The following LARP1 variants were observed in gnomAD, a reference collection of about 807,000 sequenced individuals.
LARP1 encodes the protein la-related protein 1.
Under a neutral mutation model 122.7 loss-of-function variants are expected in LARP1, and 36 were observed. That is an observed-to-expected ratio of 0.29 (90% confidence interval 0.22 to 0.39). LARP1 has a LOEUF of 0.39. LARP1 is among the 10% of genes least tolerant of loss of function. LARP1 has a pLI of 1.00. For synonymous variants in LARP1, 539 were observed against 528.7 expected, an observed-to-expected ratio of 1.02 and a Z score of -0.27; for missense variants, 1,040 against 1,403.6, an observed-to-expected ratio of 0.74 and a Z score of 4.14.
chr5:154,743,370 G>A lies in LARP1; in HGVS notation c.205+30240G>A, dbSNP rs371607936. On this transcript the variant is annotated intron_variant, in intron 1 of 18. Transcript: ENST00000336314. ...GTTGCCCAGGCTGGAGTGCAGTGTC[G>A]TGATCTCGGCTCACTGCAACCTCTG... Among the ~76,000 whole-genome samples the A allele has an allele frequency of 1.8e-4, 26 of 148,278 alleles. No homozygotes were observed. The East Asian group carries it at 3.8e-3, about 21-fold the overall frequency.
At chr5:154,800,408 C>G (rs1758254382) in intron 10 of LARP1, among the ~76,000 whole-genome samples, 1 of 152,012 alleles carries the variant, frequency 6.6e-6, no homozygotes, top group Admixed American at 6.6e-5. Context: ...GAGTATGTCC[C>G]CACTATCATG....
At chr5:154,776,082 A>C (rs567009781) in intron 1 of LARP1, among the ~76,000 whole-genome samples, 1 of 152,244 alleles carries the variant, frequency 6.6e-6, no homozygotes, top group Admixed American at 6.5e-5. Context: ...GGTTAAGGTG[A>C]GAGTATCCCT....
rs1755445243 is a variant in LARP1 at position 154,715,438 on chromosome 5, A to AT, written c.205+2313dup. 2.6e-5 allele frequency among the ~76,000 whole-genome samples: 4 copies of AT among 151,374 alleles called. No individual in the cohort carries two copies. In the South Asian group the frequency reaches 8.4e-4, roughly 32 times the overall value. ...TGCCACCACGCTCAGCTCATTTTGT[A>AT]TTTTTAGTAGGTCAGGCTGCTCTTG... On this transcript the variant is annotated intron_variant, in intron 1 of 18. Coordinates refer to the LARP1 transcript ENST00000336314.
chr5:154,797,221 GTTTTTTTTT>G (rs1158010359), intron 8 of LARP1, among the ~76,000 whole-genome samples: 1,226 of 29,766 alleles, frequency 0.041, 24 homozygotes, highest in African/African-American at 0.12. Context: ...TGTTGTTGTT[GTTTTTTTTT>G]TTTTTTTTTT....
At chr5:154,763,759 T>C (rs568521480) in intron 1 of LARP1, among the ~76,000 whole-genome samples, 16 of 152,042 alleles carry the variant, frequency 1.1e-4, no homozygotes, top group Admixed American at 9.8e-4. Context: ...CCCAGCACTT[T>C]GGGTGGGAGG....
intron 1 of LARP1, among the ~76,000 whole-genome samples, chr5:154,738,624 G>T (rs891898898): frequency 5.3e-5 from 8 of 152,142 alleles, no homozygotes; most frequent in African/African-American, 1.9e-4. Context: ...AGCTGTTACA[G>T]CAATGCCCAT....
intron 10 of LARP1, 144 bp downstream of exon 10, chr5:154,800,186 AC>A: frequency 1.4e-6 from 1 of 734,274 alleles, no homozygotes; most frequent in Non-Finnish European, 2.1e-6. Context: ...AGTTGAAGTT[AC>A]CAGTAGTGGC....
chr5:154,790,564 C>A, intron 2 of LARP1, 81 bp from the exon 3 acceptor site: 1 of 1,502,658 alleles, frequency 6.7e-7, no homozygotes, highest in Non-Finnish European at 9.3e-7. Context: ...GGCCTCTGAT[C>A]TCTTGGTGAA....
At chr5:154,725,873 C>T (rs1317586358) in intron 1 of LARP1, among the ~76,000 whole-genome samples, 3 of 152,070 alleles carry the variant, frequency 2.0e-5, no homozygotes, top group Non-Finnish European at 4.4e-5. Flanking sequence ...TGAAGTCTCG[C>T]TCTGTCACCC....
chr5:154,686,613 G>A (rs933460831), intron 1 of LARP1, among the ~76,000 whole-genome samples: 4 of 152,094 alleles, frequency 2.6e-5, no homozygotes, highest in Non-Finnish European at 4.4e-5. Flanking sequence ...GTGGCCGTTC[G>A]TTTTGAAGGT....
intron 1 of LARP1, among the ~76,000 whole-genome samples, chr5:154,706,414 A>G (rs2113271802): frequency 6.6e-6 from 1 of 152,148 alleles, no homozygotes; most frequent in South Asian, 2.1e-4. Flanking sequence ...AGCAACATGG[A>G]TGGAGCTGGA....
At chr5:154,805,539 G>GAA (rs1758704855) in intron 14 of LARP1, among the ~76,000 whole-genome samples, 1 of 152,204 alleles carries the variant, frequency 6.6e-6, no homozygotes, top group African/African-American at 2.4e-5. Context: ...TAGATGGATT[G>GAA]ACCCATGATG....
At chr5:154,713,317 T>C (rs1316297857) in intron 1 of LARP1, among the ~76,000 whole-genome samples, 2 of 152,212 alleles carry the variant, frequency 1.3e-5, no homozygotes, top group Non-Finnish European at 2.9e-5. Context: ...AATTCCACTC[T>C]CAGCTTTCCT....
intron 1 of LARP1, among the ~76,000 whole-genome samples, chr5:154,725,427 G>A (rs1756149427): frequency 6.7e-6 from 1 of 150,120 alleles, no homozygotes; most frequent in Non-Finnish European, 1.5e-5. Context: ...GCATGCATCT[G>A]TAGTTCCAGC....
At chr5:154,748,893 C>G (rs1407437755) in intron 1 of LARP1, among the ~76,000 whole-genome samples, 1 of 152,164 alleles carries the variant, frequency 6.6e-6, no homozygotes, top group African/African-American at 2.4e-5. Flanking sequence ...ATGGGGCCCA[C>G]AGGGGTTTAC....
In LARP1 at chr5:154,817,373, A is replaced by G. The variant is rs1759745331; in HGVS notation, c.*3277A>G. The stretch of plus-strand genomic sequence containing the variant: ...GGAGAAGGTTCCACCTTACGCTCGT[A>G]GTACATTATCTTTACTATGTGCTAG... On this transcript the variant is annotated 3_prime_UTR_variant, in exon 19 of 19. Transcript: ENST00000518297. 6.6e-6 allele frequency: 1 copy of G among 152,670 alleles called. No homozygotes were observed. The highest frequency in any genetic ancestry group is 1.5e-5 in the Non-Finnish European group (1 of 68,036). The allele number at this position is 152,670 out of a possible 1,614,324, so 9.5% of individuals were successfully genotyped here. A position where few individuals can be genotyped will look rare whatever the true frequency, so the allele number is the denominator to read the frequency against.
chr5:154,795,259 C>A lies in LARP1; in HGVS notation c.1317C>A (p.Thr439=). 1 of 1,614,002 alleles carries A rather than the reference C, an allele frequency of 6.2e-7. No homozygotes were observed. Among genetic ancestry groups the A allele is most frequent in the African/African-American group, 1.3e-5 (1 of 75,000 alleles). ...ATGCTGATGGTTTCCTACCCATCACCCTTATTGCTTCCTTCCACCGAGTGC... is the reference window on the plus strand; with the variant it reads ...ATGCTGATGGTTTCCTACCCATCACACTTATTGCTTCCTTCCACCGAGTGC... ...KMDADGFLPI[T]LIASFHRVQA... is the part of the protein sequence containing the mutation. Residue 439 remains threonine (T), a synonymous_variant, in exon 8 of 19, where the codon ACC becomes ACA. Coordinates refer to ENST00000518297, the MANE Select transcript of LARP1 (RefSeq NM_033551.3).
intron 8 of LARP1, among the ~76,000 whole-genome samples, chr5:154,798,632 G>A (rs1226050619): frequency 2.0e-5 from 3 of 152,004 alleles, no homozygotes; most frequent in Non-Finnish European, 4.4e-5. Context: ...CTCCCAAGTA[G>A]CTGGGACCAC....
chr5:154,777,040 A>G (rs1325464259), intron 1 of LARP1, among the ~76,000 whole-genome samples: 2 of 152,232 alleles, frequency 1.3e-5, no homozygotes, highest in South Asian at 2.1e-4. Flanking sequence ...TTGTCATCGT[A>G]TGAACCTAGA....
Sources: gnomAD v4.1 joint callset for allele counts (sites outside exome capture counted in the v4.1 genomes callset) on GRCh38, gnomAD v4.1.1 for gene constraint, MANE v1.5 for transcripts, NCBI Gene and HGNC (gene_info 2026-07-23, HGNC 2026-07-21) for gene names.